Variants in TSHZ3 observed in about 807,000 individuals in gnomAD.
TSHZ3 encodes teashirt zinc finger homeobox 3, also known as teashirt homolog 3.
TSHZ3 carries 10 observed loss-of-function variants against 64.5 expected under a neutral mutation model. The ratio of observed to expected loss-of-function variants is 0.16; its 90% CI spans 0.10 to 0.26. The LOEUF (loss-of-function observed/expected upper bound fraction) is 0.26, where lower values mean the gene tolerates loss of function less well. TSHZ3 is among the 10% of genes least tolerant of loss of function. The pLI is 1.00. For synonymous variants in TSHZ3, 608 were observed against 593.1 expected (o/e 1.03, Z -0.36); for missense variants, 1,242 against 1,421.7 (o/e 0.87, Z 2.03).
At chr19:31,198,228 G>A (rs1208230101) in intron 5 of TSHZ3, among the ~76,000 whole-genome samples, 1 of 152,010 alleles carries the variant, frequency 6.6e-6, no homozygotes. Flanking sequence ...TGCATACAAA[G>A]CATTTGATCA....
At chr19:31,280,752 C>A (rs146243838) in intron 1 of TSHZ3, among the ~76,000 whole-genome samples, 1 of 152,358 alleles carries the variant, frequency 6.6e-6, no homozygotes, top group Non-Finnish European at 1.5e-5. Context: ...CATGCATTCC[C>A]ACGCAGGTGG....
At chr19:31,227,513 C>T (rs1233736676) in intron 4 of TSHZ3, among the ~76,000 whole-genome samples, 1 of 152,070 alleles carries the variant, frequency 6.6e-6, no homozygotes, top group Non-Finnish European at 1.5e-5. Flanking sequence ...TAGGGAGAGC[C>T]TGCTAGAAGA....
At chr19:31,330,718 G>A (rs936961560) in intron 1 of TSHZ3, among the ~76,000 whole-genome samples, 2 of 148,528 alleles carry the variant, frequency 1.3e-5, no homozygotes, top group African/African-American at 2.5e-5. Context: ...GCGGGGGGAG[G>A]AAAGTCCAGA....
intron 1 of TSHZ3, among the ~76,000 whole-genome samples, chr19:31,342,546 T>C (rs1003612642): frequency 6.6e-6 from 1 of 152,218 alleles, no homozygotes; most frequent in African/African-American, 2.4e-5. Context: ...TTAATATTAA[T>C]TTAAATTCAA....
intron 5 of TSHZ3, among the ~76,000 whole-genome samples, chr19:31,196,037 T>C (rs1348182315): frequency 6.6e-6 from 1 of 151,892 alleles, no homozygotes; most frequent in South Asian, 2.1e-4. Flanking sequence ...AGTATTATAA[T>C]ATTATGGTTG....
chr19:31,247,520 G>C (rs56808883), intron 1 of TSHZ3, among the ~76,000 whole-genome samples: 1 of 152,056 alleles, frequency 6.6e-6, no homozygotes, highest in Admixed American at 6.5e-5. Flanking sequence ...CCTCAAAAAC[G>C]TCAGTGTCAT....
intron 1 of TSHZ3, among the ~76,000 whole-genome samples, chr19:31,298,781 G>C (rs62102595): frequency 6.6e-6 from 1 of 151,244 alleles, no homozygotes; most frequent in Non-Finnish European, 1.5e-5. Context: ...GACTGGAATT[G>C]GGAAAAAAAA....
chr19:31,200,045 A>C (rs1015756452), intron 5 of TSHZ3, among the ~76,000 whole-genome samples: 3 of 152,218 alleles, frequency 2.0e-5, no homozygotes, highest in African/African-American at 4.8e-5. Flanking sequence ...TCGAATGGCT[A>C]AAATGGGTAA....
At chr19:31,328,646 CTCCTT>C (rs1202355315) in intron 1 of TSHZ3, among the ~76,000 whole-genome samples, 2 of 152,204 alleles carry the variant, frequency 1.3e-5, no homozygotes, top group African/African-American at 4.8e-5. Context: ...GAGTGTCTCT[CTCCTT>C]TCATATCCAA....
chr19:31,349,364 G>C lies in TSHZ3; in HGVS notation c.-145C>G, dbSNP rs997439662. On this transcript the variant is annotated 5_prime_UTR_variant, in exon 1 of 2. Coordinates refer to ENST00000240587, the MANE Select transcript of TSHZ3 (RefSeq NM_020856.4). Reference sequence around the variant, plus strand: ...GGAGAGCGGCCGCCCGCAGGATGCTGCTGCGCCCAGGCTCTCCGCGTCCCC... The same window carrying C: ...GGAGAGCGGCCGCCCGCAGGATGCTCCTGCGCCCAGGCTCTCCGCGTCCCC... 3.1e-6 allele frequency: 2 copies of C among 646,970 alleles called. No individual in the cohort carries two copies. The highest frequency in any genetic ancestry group is 4.7e-4 in the Middle Eastern group (1 of 2,142). 40.1% of individuals were successfully genotyped at this position (646,970 alleles called of 1,614,324 possible). A position where few individuals can be genotyped will look rare whatever the true frequency, so the allele number is the denominator to read the frequency against.
intron 1 of TSHZ3, among the ~76,000 whole-genome samples, chr19:31,245,426 A>G (rs892499871): frequency 1.2e-4 from 19 of 152,250 alleles, no homozygotes; most frequent in African/African-American, 4.3e-4. Flanking sequence ...TGCTCTTAAA[A>G]GAAATATTGA....
intron 1 of TSHZ3, among the ~76,000 whole-genome samples, chr19:31,245,142 T>C (rs1290219079): frequency 2.6e-5 from 4 of 152,168 alleles, no homozygotes; most frequent in African/African-American, 9.7e-5. Flanking sequence ...TATTTTTCAA[T>C]TGTTGCAAGT....
intron 1 of TSHZ3, among the ~76,000 whole-genome samples, chr19:31,252,111 A>G (rs1299513651): frequency 6.6e-6 from 1 of 152,208 alleles, no homozygotes; most frequent in Non-Finnish European, 1.5e-5. Flanking sequence ...TGAGGCCATG[A>G]CATTAAACAT....
intron 4 of TSHZ3, among the ~76,000 whole-genome samples, chr19:31,218,668 C>T (rs1429959096): frequency 6.6e-6 from 1 of 152,128 alleles, no homozygotes; most frequent in Non-Finnish European, 1.5e-5. Context: ...TTCAGTAGTT[C>T]AACGGATGAA....
At chr19:31,340,496 G>A (rs915011442) in intron 1 of TSHZ3, among the ~76,000 whole-genome samples, 3 of 151,776 alleles carry the variant, frequency 2.0e-5, no homozygotes, top group Admixed American at 6.6e-5. Context: ...ACACAGAAAA[G>A]GGGAAAGGGA....
At chr19:31,197,955 G>T (rs117199894) in intron 5 of TSHZ3, among the ~76,000 whole-genome samples, 1 of 151,900 alleles carries the variant, frequency 6.6e-6, no homozygotes, top group East Asian at 1.9e-4. Context: ...TGAGCAGCCC[G>T]CATTACATTT....
chr19:31,340,048 A>G (rs997759104), intron 1 of TSHZ3, among the ~76,000 whole-genome samples: 1 of 152,110 alleles, frequency 6.6e-6, no homozygotes, highest in African/African-American at 2.4e-5. Flanking sequence ...TGACATCTGC[A>G]TAGTAAATTT....
At chr19:31,306,716 A>G (rs2145149226) in intron 1 of TSHZ3, among the ~76,000 whole-genome samples, 1 of 152,324 alleles carries the variant, frequency 6.6e-6, no homozygotes, top group South Asian at 2.1e-4. Flanking sequence ...TTTGCTTCTA[A>G]TTATAACTAA....
chr19:31,291,600 T>C (rs894949523), intron 1 of TSHZ3, among the ~76,000 whole-genome samples: 2 of 152,194 alleles, frequency 1.3e-5, no homozygotes, highest in Non-Finnish European at 2.9e-5. Flanking sequence ...CAAGGAGGCA[T>C]TCACAGGACA....
Sources: gnomAD v4.1 joint callset for allele counts (sites outside exome capture counted in the v4.1 genomes callset) on GRCh38, gnomAD v4.1.1 for gene constraint, MANE v1.5 for transcripts, NCBI Gene and HGNC (gene_info 2026-07-23, HGNC 2026-07-21) for gene names.